The following EHBP1 variants were observed in gnomAD, a reference collection of about 807,000 sequenced individuals.
The protein encoded by EHBP1 is EH domain binding protein 1.
EHBP1 carries 55 observed loss-of-function variants against 144.0 expected under a neutral mutation model. That is an observed-to-expected ratio of 0.38 (90% CI 0.31 to 0.48). The LOEUF is 0.48. Among genes scored for constraint, EHBP1 ranks in the 20% least tolerant of loss-of-function variants. EHBP1 has a pLI of 0.98. For missense variants in EHBP1, 1,200 were observed against 1,364.2 expected (o/e 0.88, Z 1.90); for synonymous variants, 469 against 472.7 (o/e 0.99, Z 0.10).
upstream of EHBP1, among the ~76,000 whole-genome samples, chr2:62,701,412 T>G (rs1012702472): frequency 2.0e-5 from 3 of 152,234 alleles, no homozygotes; most frequent in Non-Finnish European, 2.9e-5. Flanking sequence ...ACTAGCCACA[T>G]TTCAAGTATT....
In EHBP1 at chr2:62,939,621, T is replaced by C. The variant is rs188553282; in HGVS notation, c.1186-3097T>C. Among the ~76,000 whole-genome samples the C allele has an allele frequency of 2.2e-4, 34 of 151,798 alleles. No homozygotes were observed. In the East Asian group the frequency reaches 2.5e-3, roughly 11 times the overall value. On this transcript the variant is annotated intron_variant, in intron 10 of 22. Transcript: ENST00000431489. Reference sequence around the variant, plus strand: ...GTGAGAATAGGCCTAATGGAGAAGATTGCATTGGAGTTAACCATGCAGATA... The same window carrying C: ...GTGAGAATAGGCCTAATGGAGAAGACTGCATTGGAGTTAACCATGCAGATA...
intron 2 of EHBP1, among the ~76,000 whole-genome samples, chr2:62,732,601 A>G (rs191128714): frequency 2.5e-4 from 38 of 152,260 alleles, no homozygotes; most frequent in African/African-American, 7.9e-4. Context: ...TCCTCTGGCC[A>G]TGTAAAACGT....
At chr2:62,785,090 A>G (rs929212681) in intron 5 of EHBP1, among the ~76,000 whole-genome samples, 3 of 151,962 alleles carry the variant, frequency 2.0e-5, no homozygotes, top group Admixed American at 6.6e-5. Context: ...ATACACATAT[A>G]TGTACCTGTG....
chr2:62,789,740 C>T (rs781672151), intron 5 of EHBP1, among the ~76,000 whole-genome samples: 1 of 152,126 alleles, frequency 6.6e-6, no homozygotes, highest in Non-Finnish European at 1.5e-5. Flanking sequence ...AGCCTGGTGC[C>T]TTTCAGCACA....
At chr2:62,932,951 CAAAA>C (rs1163755712) in intron 10 of EHBP1, among the ~76,000 whole-genome samples, 6 of 46,224 alleles carry the variant, frequency 1.3e-4, no homozygotes, top group African/African-American at 3.9e-4. Context: ...GACTCCATCT[CAAAA>C]AAAAAAAAAA....
At chr2:62,784,157 A>G (rs1410772600) in intron 5 of EHBP1, among the ~76,000 whole-genome samples, 1 of 152,182 alleles carries the variant, frequency 6.6e-6, no homozygotes, top group Non-Finnish European at 1.5e-5. Flanking sequence ...TACTAATTAA[A>G]TCACTAAAAA....
chr2:62,933,119 T>G (rs1399773640), intron 10 of EHBP1, among the ~76,000 whole-genome samples: 1 of 151,714 alleles, frequency 6.6e-6, no homozygotes, highest in Non-Finnish European at 1.5e-5. Flanking sequence ...GTTTTTAAAT[T>G]TTATTAATTT....
chr2:62,898,929 T>C (rs1014146862), intron 10 of EHBP1, among the ~76,000 whole-genome samples: 2 of 152,114 alleles, frequency 1.3e-5, no homozygotes, highest in Non-Finnish European at 2.9e-5. Context: ...CCATTGTTTT[T>C]CCCCCTCTTC....
chr2:62,717,614 C>T (rs1325564969), intron 2 of EHBP1, among the ~76,000 whole-genome samples: 4 of 152,022 alleles, frequency 2.6e-5, no homozygotes, highest in Non-Finnish European at 4.4e-5. Flanking sequence ...CTAAAAGGTA[C>T]CTGCTGATTT....
intron 14 of EHBP1, among the ~76,000 whole-genome samples, chr2:62,957,709 G>C (rs190998856): frequency 3.1e-5 from 4 of 128,320 alleles, no homozygotes; most frequent in Non-Finnish European, 4.6e-5. Context: ...GCAGTGGTGC[G>C]ATCTCGGCTC....
rs190782526 is a variant in EHBP1 at position 62,897,006 on chromosome 2, A to C, written c.1185+22474A>C. ...ATATTAATATGGTTCAAAAATCAAAATAACATAAAAAGATATACATGGGGA... is the reference window on the plus strand; with the variant it reads ...ATATTAATATGGTTCAAAAATCAAACTAACATAAAAAGATATACATGGGGA... On this transcript the variant is annotated intron_variant, in intron 10 of 22. Coordinates refer to ENST00000431489, the MANE Select transcript of EHBP1 (RefSeq NM_001142616.3). 2.1e-3 allele frequency among the ~76,000 whole-genome samples: 317 copies of C among 152,330 alleles called. 2 individuals carry two copies. Among genetic ancestry groups the C allele is most frequent in the African/African-American group, 6.9e-3 (286 of 41,578 alleles).
chr2:62,822,328 G>T (rs926103936), intron 5 of EHBP1, among the ~76,000 whole-genome samples: 1 of 152,112 alleles, frequency 6.6e-6, no homozygotes, highest in African/African-American at 2.4e-5. Context: ...CCTAGTGGGG[G>T]TCCATGCATA....
chr2:62,840,849 G>A (rs896461804), intron 7 of EHBP1, among the ~76,000 whole-genome samples: 5 of 152,016 alleles, frequency 3.3e-5, no homozygotes, highest in African/African-American at 1.2e-4. Flanking sequence ...AACATGTGCT[G>A]GAGAGGATGT....
At chr2:62,876,686 T>C (rs766019625) in intron 10 of EHBP1, among the ~76,000 whole-genome samples, 1 of 152,184 alleles carries the variant, frequency 6.6e-6, no homozygotes, top group African/African-American at 2.4e-5. Flanking sequence ...CTTAAAATCA[T>C]GGCAGAAGGC....
intron 14 of EHBP1, among the ~76,000 whole-genome samples, chr2:62,971,245 A>G (rs777890209): frequency 1.7e-4 from 26 of 152,224 alleles, no homozygotes; most frequent in Admixed American, 5.2e-4. Flanking sequence ...TTTTTGCACC[A>G]TAACAGGACT....
rs768017316 is a variant in EHBP1 at position 63,045,223 on chromosome 2, G to T, written c.3392+43G>T. Reference sequence around the variant, plus strand: ...TCGGGTCGAGGCTGGGCCACCTGCCGAGGGGCCGAGAAGTGTGCGGAAAGT... The same window carrying T: ...TCGGGTCGAGGCTGGGCCACCTGCCTAGGGGCCGAGAAGTGTGCGGAAAGT... On this transcript the variant is annotated intron_variant, in intron 22 of 22. Transcript: ENST00000431489. This position sits in a 1 kb window ranked among gnomAD's most constrained non-coding sequence, Gnocchi z 5.7. 10 of 1,520,446 alleles carry T rather than the reference G, an allele frequency of 6.6e-6. No homozygotes were observed. In the African/African-American group the frequency reaches 1.2e-4, roughly 19 times the overall value. The allele number at this position is 1,520,446 out of a possible 1,614,324, so 94.2% of individuals were successfully genotyped here.
At chr2:62,901,981 A>G (rs2053453495) in intron 10 of EHBP1, among the ~76,000 whole-genome samples, 1 of 152,040 alleles carries the variant, frequency 6.6e-6, no homozygotes, top group African/African-American at 2.4e-5. Flanking sequence ...AAAAAAAGAA[A>G]ATTCAGCAAT....
chr2:62,692,212 A>T (rs1357375695), intron 1 of EHBP1, among the ~76,000 whole-genome samples: 2 of 152,224 alleles, frequency 1.3e-5, no homozygotes, highest in African/African-American at 4.8e-5. Context: ...TCAATGCTTC[A>T]TTCATTTTTA....
intron 10 of EHBP1, among the ~76,000 whole-genome samples, chr2:62,881,127 A>G (rs1204041419): frequency 6.6e-6 from 1 of 152,148 alleles, no homozygotes; most frequent in Admixed American, 6.6e-5. Context: ...ATCCTAAACA[A>G]GTTAACTCAG....
Sources: gnomAD v4.1 joint callset for allele counts (sites outside exome capture counted in the v4.1 genomes callset) on GRCh38, gnomAD v4.1.1 for gene constraint, Gnocchi (gnomAD v3.1) non-coding constraint, MANE v1.5 for transcripts, NCBI Gene and HGNC (gene_info 2026-07-23, HGNC 2026-07-21) for gene names.